SORCS2: variants seen among roughly 807,000 people sequenced by gnomAD.
SORCS2 encodes the protein VPS10 domain-containing receptor SorCS2.
A neutral mutation model predicts 141.6 loss-of-function variants in SORCS2; 100 were observed. The ratio of observed to expected loss-of-function variants is 0.71; its 90% CI spans 0.60 to 0.83. The LOEUF is 0.83. Ranked by LOEUF, SORCS2 falls within the 40% of genes least tolerant of loss-of-function variation. The pLI is 0.00. For synonymous variants in SORCS2, 789 were observed against 676.9 expected, an observed-to-expected ratio of 1.17 and a Z score of -2.57; for missense variants, 1,646 against 1,560.2, an observed-to-expected ratio of 1.05 and a Z score of -0.93.
intron 3 of SORCS2, among the ~76,000 whole-genome samples, chr4:7,543,992 CCACT>C (rs1303020297): frequency 6.5e-4 from 96 of 147,148 alleles, no homozygotes; most frequent in African/African-American, 2.2e-3. Context: ...GTCCATCCAT[CCACT>C]CATCCATCCA....
chr4:7,334,176 A>T (rs1342440066), intron 1 of SORCS2, among the ~76,000 whole-genome samples: 2 of 152,142 alleles, frequency 1.3e-5, no homozygotes, highest in African/African-American at 4.8e-5. Context: ...GAAGGTGCCC[A>T]CACAGGCATG....
chr4:7,220,281 G>T (rs571810878), intron 1 of SORCS2, among the ~76,000 whole-genome samples: 2 of 152,052 alleles, frequency 1.3e-5, no homozygotes, highest in Admixed American at 1.3e-4. Flanking sequence ...GGGGGTGGGG[G>T]ACGGCCACCC....
At chr4:7,486,559 C>A (rs550298139) in intron 2 of SORCS2, among the ~76,000 whole-genome samples, 42 of 152,326 alleles carry the variant, frequency 2.8e-4, no homozygotes, top group Admixed American at 1.5e-3. Context: ...TAATGTGGAG[C>A]CTGCGGTAGC....
chr4:7,254,973 G>A (rs1338808948), intron 1 of SORCS2, among the ~76,000 whole-genome samples: 1 of 152,118 alleles, frequency 6.6e-6, no homozygotes, highest in Non-Finnish European at 1.5e-5. Flanking sequence ...GCAACGGGGA[G>A]AGCATGGGTG....
intron 1 of SORCS2, among the ~76,000 whole-genome samples, chr4:7,321,551 G>C (rs1453092027): frequency 3.3e-5 from 5 of 152,238 alleles, no homozygotes; most frequent in Non-Finnish European, 2.9e-5. Flanking sequence ...ACCGGTGGAT[G>C]AAAGAAGATG....
Position 7,235,067 on chromosome 4 carries a change from C to T in SORCS2, c.480+41941C>T, listed in dbSNP as rs1260562724. On this transcript the variant is annotated intron_variant, in intron 1 of 26. Transcript: ENST00000507866. ...GCATCTGGAGCTGGGCTCTGCGTTG[C>T]ATCCCGTGAGGGTCTGAACTCTGTG... 3.9e-5 allele frequency among the ~76,000 whole-genome samples: 6 copies of T among 152,378 alleles called. No homozygotes were observed. In the East Asian group the frequency reaches 7.7e-4, roughly 20 times the overall value.
intron 10 of SORCS2, among the ~76,000 whole-genome samples, chr4:7,685,479 T>C (rs1310566261): frequency 6.6e-6 from 1 of 152,166 alleles, no homozygotes; most frequent in Non-Finnish European, 1.5e-5. Context: ...GAGACCAGCC[T>C]GGCCAACATG....
chr4:7,560,952 T>G (rs571479756), intron 3 of SORCS2, among the ~76,000 whole-genome samples: 21 of 152,262 alleles, frequency 1.4e-4, no homozygotes, highest in South Asian at 4.2e-4. Context: ...CTCTTGTCCA[T>G]GGCTGCAGAA....
intron 14 of SORCS2, among the ~76,000 whole-genome samples, chr4:7,707,114 C>G (rs1436490492): frequency 6.6e-6 from 1 of 152,254 alleles, no homozygotes; most frequent in East Asian, 1.9e-4. Flanking sequence ...AGCCTGTCCT[C>G]TCCGGGCCGA....
rs576325082 is a variant in SORCS2 at position 7,201,357 on chromosome 4, T to G, written c.480+8231T>G. On this transcript the variant is annotated intron_variant, in intron 1 of 26. Transcript: ENST00000507866. The surrounding 1 kb of genome is among the most constrained non-coding windows in gnomAD (Gnocchi z 4.4). ...CTGAGCACATTTCACAAATCCACTTTTACTTTAATAAAGGGCGATTTAATT... is the reference window on the plus strand; with the variant it reads ...CTGAGCACATTTCACAAATCCACTTGTACTTTAATAAAGGGCGATTTAATT... 6.6e-6 allele frequency among the ~76,000 whole-genome samples: 1 copy of G among 152,336 alleles called. No individual in the cohort carries two copies. Among genetic ancestry groups the G allele is most frequent in the African/African-American group, 2.4e-5 (1 of 41,572 alleles).
At chr4:7,461,305 C>T (rs1577603266) in intron 2 of SORCS2, among the ~76,000 whole-genome samples, 2 of 152,280 alleles carry the variant, frequency 1.3e-5, no homozygotes, top group East Asian at 3.9e-4. Flanking sequence ...GAGCTGGAGC[C>T]CCCGCCCTCC....
chr4:7,659,113 C>G (rs551393622), intron 5 of SORCS2, among the ~76,000 whole-genome samples: 55 of 152,212 alleles, frequency 3.6e-4, no homozygotes, highest in Middle Eastern at 3.4e-3. Flanking sequence ...CCCAGGGAGT[C>G]TTGCTTTGCA....
At chr4:7,263,600 C>G (rs150715730) in intron 1 of SORCS2, among the ~76,000 whole-genome samples, 2,593 of 152,338 alleles carry the variant, frequency 0.017, 45 homozygotes, top group Non-Finnish European at 0.025. Flanking sequence ...GGCCAAGAAG[C>G]CTTGTTCAGC....
chr4:7,633,600 C>G (rs980849318), intron 3 of SORCS2, among the ~76,000 whole-genome samples: 1 of 138,874 alleles, frequency 7.2e-6, no homozygotes, highest in Non-Finnish European at 1.5e-5. Flanking sequence ...AGCCTTCATT[C>G]ATGTGCAAAA....
chr4:7,195,582 C>A (rs1468335684), intron 1 of SORCS2, among the ~76,000 whole-genome samples: 1 of 152,194 alleles, frequency 6.6e-6, no homozygotes, highest in African/African-American at 2.4e-5. Context: ...TGAGAAAACT[C>A]AGAAGAGGCA....
chr4:7,672,056 G>A (rs1409624492), intron 8 of SORCS2, among the ~76,000 whole-genome samples: 2 of 150,118 alleles, frequency 1.3e-5, no homozygotes, highest in Non-Finnish European at 2.9e-5. Context: ...CAATTCTCCT[G>A]CCTCAGCCTC....
intron 2 of SORCS2, among the ~76,000 whole-genome samples, chr4:7,413,375 C>T (rs376316745): frequency 4.3e-5 from 6 of 140,288 alleles, no homozygotes; most frequent in East Asian, 2.1e-4. Context: ...TATGATCCTC[C>T]GTATTTTCAC....
chr4:7,440,145 C>A (rs187191550), intron 2 of SORCS2, among the ~76,000 whole-genome samples: 7 of 152,292 alleles, frequency 4.6e-5, no homozygotes, highest in Non-Finnish European at 1.0e-4. Flanking sequence ...AAGCTACATG[C>A]AAGGTATTCA....
rs1177306424 is a variant in SORCS2 at position 7,429,950 on chromosome 4, G to T, written c.548+33595G>T. ...GAGGGAAGCCAGCCCAGCTCCTGGA[G>T]CCATGCCCGGCAGGCTGGCAACCCC... On this transcript the variant is annotated intron_variant, in intron 2 of 26. Coordinates refer to ENST00000507866, the MANE Select transcript of SORCS2 (RefSeq NM_020777.3). 4.6e-5 allele frequency among the ~76,000 whole-genome samples: 7 copies of T among 152,174 alleles called. No homozygotes were observed. The South Asian group carries it at 1.2e-3, about 27-fold the overall frequency.
Sources: allele counts gnomAD v4.1 joint callset (sites outside exome capture counted in the v4.1 genomes callset), GRCh38; gene constraint gnomAD v4.1.1; non-coding constraint Gnocchi (gnomAD v3.1); transcripts MANE v1.5; gene names NCBI Gene and HGNC (gene_info 2026-07-23, HGNC 2026-07-21).